BFSP2: variants seen among roughly 807,000 people sequenced by gnomAD.
BFSP2 encodes phakinin.
BFSP2 carries 38 observed loss-of-function variants against 44.9 expected under a neutral mutation model. The ratio of observed to expected loss-of-function variants is 0.85; its 90% CI spans 0.65 to 1.11. The LOEUF (loss-of-function observed/expected upper bound fraction) is 1.11. BFSP2 is among the 50% of genes least tolerant of loss of function. BFSP2 has a pLI of 0.00. For missense variants in BFSP2, 525 were observed against 533.0 expected (o/e 0.99, Z 0.15); for synonymous variants, 197 against 209.9 (o/e 0.94, Z 0.53).
At chr3:133,448,245 TGC>T (rs1324100027) in intron 2 of BFSP2, among the ~76,000 whole-genome samples, 6 of 152,182 alleles carry the variant, frequency 3.9e-5, no homozygotes, top group Admixed American at 2.0e-4. Flanking sequence ...AGTTCTGTGT[TGC>T]AACACTCCCA....
rs548463918 is a variant in BFSP2 at position 133,465,441 on chromosome 3, A to T, written c.892-1387A>T. ...GAAAGTAGAGTTTTTTCCCTCCTCC[A>T]TTCTTGGCTAGGAGACGTTCCATCA... is the stretch of plus-strand genomic sequence containing the variant. On this transcript the variant is annotated intron_variant, in intron 4 of 6. Transcript: ENST00000302334. Among the ~76,000 whole-genome samples, 8 of 152,282 alleles carry T rather than the reference A, an allele frequency of 5.3e-5. No homozygotes were observed. The South Asian group carries it at 1.7e-3, about 32-fold the overall frequency.
chr3:133,427,064 C>G (rs2073661068), intron 1 of BFSP2, among the ~76,000 whole-genome samples: 1 of 152,188 alleles, frequency 6.6e-6, no homozygotes, highest in Non-Finnish European at 1.5e-5. Context: ...AGATACCATG[C>G]ATGACTCCTG....
At chr3:133,428,537 G>A (rs1032004826) in intron 1 of BFSP2, among the ~76,000 whole-genome samples, 1 of 151,444 alleles carries the variant, frequency 6.6e-6, no homozygotes, top group African/African-American at 2.4e-5. Flanking sequence ...CAGCAGCCAC[G>A]CCTGGGATAG....
Position 133,466,930 on chromosome 3 carries a change from C to T in BFSP2, c.994C>T (p.Gln332Ter), listed in dbSNP as rs140878916. The T allele has an allele frequency of 3.7e-6, 6 of 1,614,006 alleles. No individual in the cohort carries two copies. The highest frequency in any genetic ancestry group is 1.1e-5 in the South Asian group (1 of 91,086). Reference protein sequence around the residue: ...HNTSCQVQSLQAETESLRALK... With the variant: ...HNTSCQVQSL ...CACTTCGTGCCAAGTCCAGAGCCTC[C>T]AGGCTGAGACAGAATCCTTACGTGC... Residue 332 changes from glutamine to a stop codon, truncating the protein, a stop_gained, in exon 5 of 7, where the codon CAG (glutamine) becomes TAG (stop). Transcript: ENST00000302334. LOFTEE classifies it high-confidence loss of function.
chr3:133,466,954 G>T lies in BFSP2; in HGVS notation c.1018G>T (p.Ala340Ser). ...SLQAETESLR[A>S]LKRGLENTLH... is the part of the protein sequence containing the mutation. ...CCAGGCTGAGACAGAATCCTTACGT[G>T]CCCTGGTAAGTGGGCCAAGGAAAGA... The change falls in exon 5 of 7, where the codon GCC becomes TCC. Residue 340 changes from alanine to serine, a missense_variant. Physicochemically the swap from Ala to Ser is moderately conservative, Grantham distance 99. Coordinates refer to ENST00000302334, the MANE Select transcript of BFSP2 (RefSeq NM_003571.4). The T allele has an allele frequency of 3.1e-6, 5 of 1,614,028 alleles. No homozygotes were observed. Among genetic ancestry groups the T allele is most frequent in the Non-Finnish European group, 4.2e-6 (5 of 1,179,942 alleles).
intron 4 of BFSP2, among the ~76,000 whole-genome samples, chr3:133,465,825 TCAG>T (rs1187212229): frequency 1.3e-5 from 2 of 152,202 alleles, no homozygotes; most frequent in African/African-American, 2.4e-5. Context: ...CCCTTTCTAA[TCAG>T]CAGTTCTACT....
rs1186548748 is a variant in BFSP2, at chr3:133,457,476, T to A, written c.891+7012T>A. ...ACCCATGTCCTAGCTACCGTTTTTT[T>A]CTATGGGGGTCAATCAATGTTATCC... On this transcript the variant is annotated intron_variant, in intron 4 of 6. Transcript: ENST00000302334. Among the ~76,000 whole-genome samples the A allele has an allele frequency of 1.3e-5, 2 of 152,250 alleles. 1 individual carries two copies. The highest frequency in any genetic ancestry group is 4.1e-4 in the South Asian group (2 of 4,836).
At chr3:133,411,993 G>T (rs967987615) in intron 1 of BFSP2, among the ~76,000 whole-genome samples, 13 of 152,182 alleles carry the variant, frequency 8.5e-5, no homozygotes, top group Non-Finnish European at 1.5e-4. Context: ...TGATAATTGA[G>T]AAAGTATTAC....
chr3:133,449,497 GTTTTTTGTTTGT>G (rs1340051066), intron 3 of BFSP2, among the ~76,000 whole-genome samples: 1 of 70,584 alleles, frequency 1.4e-5, no homozygotes, highest in Non-Finnish European at 3.6e-5. Context: ...TATACATGTG[GTTTTTTGTTTGT>G]TTGTTTGTTT....
At chr3:133,436,810 G>A (rs1473346298) in intron 1 of BFSP2, among the ~76,000 whole-genome samples, 1 of 152,106 alleles carries the variant, frequency 6.6e-6, no homozygotes, top group East Asian at 1.9e-4. Flanking sequence ...CTGTGTCCAA[G>A]TGTCCTCATT....
chr3:133,457,469 G>GT (rs1249427281), intron 4 of BFSP2, among the ~76,000 whole-genome samples: 4 of 152,016 alleles, frequency 2.6e-5, no homozygotes, highest in Non-Finnish European at 4.4e-5. Context: ...CCTAGCTACC[G>GT]TTTTTTTCTA....
intron 3 of BFSP2, 108 bp downstream of exon 3, chr3:133,448,753 T>C: frequency 7.0e-7 from 1 of 1,429,064 alleles, no homozygotes; most frequent in South Asian, 1.2e-5. Context: ...CTCTCCACAT[T>C]GCGTGCCCAG....
At chr3:133,457,000 C>G (rs993107740) in intron 4 of BFSP2, among the ~76,000 whole-genome samples, 1 of 152,142 alleles carries the variant, frequency 6.6e-6, no homozygotes, top group Non-Finnish European at 1.5e-5. Context: ...CTTGCTTTTA[C>G]CAACAAGAGT....
intron 4 of BFSP2, among the ~76,000 whole-genome samples, chr3:133,462,589 A>ATATATG (rs2074074141): frequency 6.6e-6 from 1 of 152,214 alleles, no homozygotes; most frequent in African/African-American, 2.4e-5. Context: ...TCTGGGTGAA[A>ATATATG]TATATGTATA....
In BFSP2 at chr3:133,433,898, A is replaced by T. The variant is rs1269453892; in HGVS notation, c.490-13419A>T. Among the ~76,000 whole-genome samples, 3 of 152,204 alleles carry T rather than the reference A, an allele frequency of 2.0e-5. No individual in the cohort carries two copies. In the East Asian group the frequency reaches 5.8e-4, roughly 29 times the overall value. Reference sequence around the variant, plus strand: ...ACAGCCCATTTAAGCTCCCGTATAGACGCTCCTTTTTATTAGGCCCCAGTC... The same window carrying T: ...ACAGCCCATTTAAGCTCCCGTATAGTCGCTCCTTTTTATTAGGCCCCAGTC... On this transcript the variant is annotated intron_variant, in intron 1 of 6. Coordinates refer to ENST00000302334, the MANE Select transcript of BFSP2 (RefSeq NM_003571.4).
intron 1 of BFSP2, among the ~76,000 whole-genome samples, chr3:133,419,593 C>T (rs1451019257): frequency 6.6e-6 from 1 of 152,160 alleles, no homozygotes; most frequent in African/African-American, 2.4e-5. Flanking sequence ...TCCTTCTCTG[C>T]CTCTTTTAAT....
chr3:133,414,505 TCACCCCTC>T (rs1372667079), intron 1 of BFSP2, among the ~76,000 whole-genome samples: 2 of 68,558 alleles, frequency 2.9e-5, no homozygotes, highest in Non-Finnish European at 5.4e-5. Flanking sequence ...TCCCCTCTAC[TCACCCCTC>T]TACCTGCCCC....
chr3:133,467,537 T>C (rs148201582), intron 5 of BFSP2, among the ~76,000 whole-genome samples: 83 of 152,324 alleles, frequency 5.4e-4, no homozygotes, highest in African/African-American at 2.0e-3. Flanking sequence ...ACTCAGGCTC[T>C]GCTTCTGGAG....
intron 1 of BFSP2, among the ~76,000 whole-genome samples, chr3:133,422,343 A>G (rs966873424): frequency 6.6e-6 from 1 of 152,140 alleles, no homozygotes; most frequent in African/African-American, 2.4e-5. Flanking sequence ...GCACACACAC[A>G]GGGAATAGGC....
Sources: gnomAD v4.1 joint callset for allele counts (sites outside exome capture counted in the v4.1 genomes callset) on GRCh38, gnomAD v4.1.1 for gene constraint, MANE v1.5 for transcripts, NCBI Gene and HGNC (gene_info 2026-07-23, HGNC 2026-07-21) for gene names.